RAD51B: variants seen among roughly 807,000 people sequenced by gnomAD.
RAD51B encodes the protein RAD51 paralog B.
A neutral mutation model predicts 42.2 loss-of-function variants in RAD51B; 38 were observed. The ratio of observed to expected loss-of-function variants is 0.90; its 90% confidence interval spans 0.70 to 1.18. The LOEUF is 1.18. RAD51B is among the 50% of genes most tolerant of loss of function. RAD51B has a pLI of 0.00. For synonymous variants in RAD51B, 154 were observed against 145.2 expected, an observed-to-expected ratio of 1.06 and a Z score of -0.43; for missense variants, 373 against 400.7, an observed-to-expected ratio of 0.93 and a Z score of 0.59.
At chr14:68,428,707 TTATATATATATATATATATATATA>T (rs532906803) in intron 9 of RAD51B, among the ~76,000 whole-genome samples, 12,618 of 99,250 alleles carry the variant, frequency 0.13, 1,279 homozygotes, top group Non-Finnish European at 0.15. Flanking sequence ...AGGATTTTCT[TTATATATATATATATATATATATA>T]TATATATATA....
chr14:68,317,796 A>C (rs916268868), intron 8 of RAD51B, among the ~76,000 whole-genome samples: 14 of 152,364 alleles, frequency 9.2e-5, no homozygotes, highest in Non-Finnish European at 1.6e-4. Flanking sequence ...GGCATGGGTA[A>C]AAGTGGGAAA....
intron 7 of RAD51B, among the ~76,000 whole-genome samples, chr14:68,285,301 A>G (rs1183388472): frequency 1.3e-5 from 2 of 152,252 alleles, no homozygotes; most frequent in African/African-American, 2.4e-5. Context: ...TAGAAAGGCT[A>G]GGTCACTGTC....
At chr14:68,428,261 T>A (rs563256491) in intron 9 of RAD51B, among the ~76,000 whole-genome samples, 2 of 152,236 alleles carry the variant, frequency 1.3e-5, no homozygotes. Context: ...TTCTAGAGAC[T>A]GTAATTGTAA....
chr14:68,597,505 G>A (rs190932715), downstream of RAD51B, among the ~76,000 whole-genome samples: 86 of 152,336 alleles, frequency 5.6e-4, no homozygotes, highest in Admixed American at 1.4e-3. Flanking sequence ...CATGGTTGGA[G>A]CTGGAGGCCA....
intron 7 of RAD51B, among the ~76,000 whole-genome samples, chr14:68,120,463 C>T (rs1227231897): frequency 6.6e-6 from 1 of 152,120 alleles, no homozygotes; most frequent in Non-Finnish European, 1.5e-5. Context: ...CTCATTAGGG[C>T]AGAGATCTTT....
intron 7 of RAD51B, among the ~76,000 whole-genome samples, chr14:68,171,789 C>T (rs2078878175): frequency 6.6e-6 from 1 of 152,020 alleles, no homozygotes; most frequent in African/African-American, 2.4e-5. Context: ...TCACTTTAAC[C>T]TCTGCCTCCG....
chr14:68,273,887 C>T lies in RAD51B; in HGVS notation c.757-17997C>T, dbSNP rs1008933747. On this transcript the variant is annotated intron_variant, in intron 7 of 10. Coordinates refer to ENST00000471583, the MANE Select transcript of RAD51B (RefSeq NM_133510.4). ...TAAAATTTTTTAGCTGACAGACTTC[C>T]TCCCCATATCCTGTTCTACATATTA... is the stretch of plus-strand genomic sequence containing the variant. Among the ~76,000 whole-genome samples the T allele has an allele frequency of 2.6e-5, 4 of 152,106 alleles. No individual in the cohort carries two copies. In the East Asian group the frequency reaches 7.7e-4, roughly 29 times the overall value.
chr14:68,021,895 G>A (rs977142075), intron 7 of RAD51B, among the ~76,000 whole-genome samples: 1 of 152,176 alleles, frequency 6.6e-6, no homozygotes, highest in Non-Finnish European at 1.5e-5. Context: ...TTTTGCTGGT[G>A]GAGGGTCTTG....
chr14:68,373,313 T>A (rs936309321), intron 8 of RAD51B, among the ~76,000 whole-genome samples: 1 of 152,094 alleles, frequency 6.6e-6, no homozygotes, highest in Non-Finnish European at 1.5e-5. Context: ...GCCAGAGAGG[T>A]TTAAATGGCT....
At chr14:67,865,783 C>CT (rs2042320446) in intron 5 of RAD51B, among the ~76,000 whole-genome samples, 1 of 151,960 alleles carries the variant, frequency 6.6e-6, no homozygotes, top group Admixed American at 6.6e-5. Flanking sequence ...TGTGATCCGC[C>CT]TGCCTTGGCC....
intron 7 of RAD51B, among the ~76,000 whole-genome samples, chr14:68,022,341 C>T (rs918836918): frequency 6.6e-6 from 1 of 152,140 alleles, no homozygotes; most frequent in Admixed American, 6.5e-5. Flanking sequence ...TATTGATGGG[C>T]ACCCAGATTG....
chr14:68,201,679 ATCTT>A (rs2079488269), intron 7 of RAD51B, among the ~76,000 whole-genome samples: 1 of 152,202 alleles, frequency 6.6e-6, no homozygotes, highest in Admixed American at 6.5e-5. Context: ...CTGTATATCA[ATCTT>A]TTTTATATCA....
chr14:68,123,089 C>T (rs1024707296), intron 7 of RAD51B, among the ~76,000 whole-genome samples: 3 of 152,038 alleles, frequency 2.0e-5, no homozygotes, highest in African/African-American at 4.8e-5. Flanking sequence ...CAGTGCAAAT[C>T]CTTTTATGTT....
chr14:68,016,585 T>C (rs1328002983), intron 7 of RAD51B, among the ~76,000 whole-genome samples: 1 of 152,222 alleles, frequency 6.6e-6, no homozygotes, highest in East Asian at 1.9e-4. Flanking sequence ...TGGCTGTGTT[T>C]AACAACTGGC....
chr14:68,602,220 C>G (rs948910706), intron 10 of RAD51B, among the ~76,000 whole-genome samples: 1 of 152,038 alleles, frequency 6.6e-6, no homozygotes, highest in African/African-American at 2.4e-5. Context: ...ACCTTCCTGT[C>G]TGGTCCCCAG....
intron 11 of RAD51B, among the ~76,000 whole-genome samples, chr14:68,652,451 G>T (rs1892721901): frequency 6.6e-6 from 1 of 152,206 alleles, no homozygotes; most frequent in South Asian, 2.1e-4. Context: ...CCCTCCAACA[G>T]CACTAGCTGT....
intron 11 of RAD51B, among the ~76,000 whole-genome samples, chr14:68,669,183 G>T (rs1273666327): frequency 3.3e-5 from 5 of 152,224 alleles, no homozygotes; most frequent in Non-Finnish European, 7.3e-5. Context: ...GTGGCCTCTT[G>T]ATCTCAGAGA....
intron 10 of RAD51B, among the ~76,000 whole-genome samples, chr14:68,561,218 A>C (rs1889132938): frequency 6.6e-6 from 1 of 152,188 alleles, no homozygotes; most frequent in Non-Finnish European, 1.5e-5. Flanking sequence ...ACGTCTGGTG[A>C]TCAACGTATC....
chr14:68,233,394 A>G (rs143750804), intron 7 of RAD51B, among the ~76,000 whole-genome samples: 6 of 152,330 alleles, frequency 3.9e-5, no homozygotes, highest in African/African-American at 1.4e-4. Context: ...ACACTTTATC[A>G]TGAAGCTTAT....
Sources: gnomAD v4.1 joint callset for allele counts (sites outside exome capture counted in the v4.1 genomes callset) on GRCh38, gnomAD v4.1.1 for gene constraint, MANE v1.5 for transcripts, NCBI Gene and HGNC (gene_info 2026-07-23, HGNC 2026-07-21) for gene names.